The following PDZD2 variants were observed in gnomAD, a reference collection of about 807,000 sequenced individuals.
PDZD2 encodes PDZ domain containing 2.
Under a neutral mutation model 220.7 loss-of-function variants are expected in PDZD2, and 90 were observed. The observed-to-expected ratio is 0.41, with a 90% confidence interval of 0.34 to 0.49. The LOEUF (loss-of-function observed/expected upper bound fraction) is 0.49, where lower values mean the gene tolerates loss of function less well. PDZD2 is among the 20% of genes least tolerant of loss of function. The pLI, the probability that PDZD2 is intolerant of heterozygous loss-of-function variation, is 0.28. For synonymous variants in PDZD2, 1,375 were observed against 1,450.5 expected (o/e 0.95, Z 1.18); for missense variants, 3,174 against 3,608.5 (o/e 0.88, Z 3.08).
intron 2 of PDZD2, among the ~76,000 whole-genome samples, chr5:31,963,087 A>C (rs546966863): frequency 2.2e-4 from 33 of 152,316 alleles, no homozygotes; most frequent in African/African-American, 7.9e-4. Context: ...GTGGCTCAAA[A>C]GCCCATACCT....
At chr5:31,932,605 C>T (rs1241430575) in intron 2 of PDZD2, among the ~76,000 whole-genome samples, 1 of 152,092 alleles carries the variant, frequency 6.6e-6, no homozygotes, top group African/African-American at 2.4e-5. Flanking sequence ...ATTGACTTCA[C>T]ACACTTAATA....
At chr5:31,673,137 A>G (rs1479586909) in intron 1 of PDZD2, among the ~76,000 whole-genome samples, 2 of 152,210 alleles carry the variant, frequency 1.3e-5, no homozygotes, top group Non-Finnish European at 2.9e-5. Context: ...TCTAAAAGTC[A>G]GTGGCAGGGC....
At chr5:32,084,233 C>A (rs930281993) in intron 19 of PDZD2, among the ~76,000 whole-genome samples, 1 of 152,236 alleles carries the variant, frequency 6.6e-6, no homozygotes, top group African/African-American at 2.4e-5. Context: ...GACGATCCAA[C>A]CTTTTGATTG....
At position 32,028,684 on chromosome 5, in the gene PDZD2, GTTTTTTTT is replaced by G. The variant is rs1287949594; in HGVS notation, c.1408-8539_1408-8532del. On this transcript the variant is annotated intron_variant, in intron 6 of 24. Transcript: ENST00000438447. ...TCTATTTTTTTTTTTTGTTTTTTTT[GTTTTTTTT>G]TTTTTTTGAGACAGAGTCTCGCTCT... Among the ~76,000 whole-genome samples the G allele has an allele frequency of 5.1e-5, 5 of 97,518 alleles. No individual in the cohort carries two copies. The East Asian group carries it at 1.2e-3, about 23-fold the overall frequency. 64.0% of individuals were successfully genotyped at this position (97,518 alleles called of 152,430 possible).
At chr5:31,738,529 T>C (rs1276844933) in intron 1 of PDZD2, 1 of 152,222 alleles carries the variant, frequency 6.6e-6, no homozygotes, top group Non-Finnish European at 1.5e-5. Context: ...TGCCAAACTA[T>C]TGCTGCCATT....
intron 19 of PDZD2, among the ~76,000 whole-genome samples, chr5:32,081,472 GTGACACACT>G (rs1340373053): frequency 6.6e-6 from 1 of 152,210 alleles, no homozygotes; most frequent in Non-Finnish European, 1.5e-5. Context: ...TCGAGTTGCA[GTGACACACT>G]GGCACCCTCA....
At position 31,787,088 on chromosome 5, in the gene PDZD2, G is replaced by A. The variant is rs919271854; in HGVS notation, c.-360-11801G>A. On this transcript the variant is annotated intron_variant, in intron 1 of 24. Coordinates refer to ENST00000438447, the MANE Select transcript of PDZD2 (RefSeq NM_178140.4). The stretch of plus-strand genomic sequence containing the variant: ...TGGGTTGGTAGTATCATGGCTGCCC[G>A]ATCCATACCACATGGACAGGATGAT... Among the ~76,000 whole-genome samples, 14 of 152,178 alleles carry A rather than the reference G, an allele frequency of 9.2e-5. No homozygotes were observed. The East Asian group carries it at 1.2e-3, about 13-fold the overall frequency.
intron 6 of PDZD2, among the ~76,000 whole-genome samples, chr5:32,023,410 C>T (rs753218871): frequency 6.6e-6 from 1 of 152,174 alleles, no homozygotes; most frequent in Non-Finnish European, 1.5e-5. Context: ...AACAAACCAA[C>T]CTTTTCCATT....
chr5:31,995,777 TC>T (rs1751578787), intron 4 of PDZD2, 59 bp downstream of exon 4: 3 of 1,461,422 alleles, frequency 2.1e-6, no homozygotes, highest in Non-Finnish European at 2.8e-6. Flanking sequence ...TCCCTCTCCC[TC>T]CCCACTGGTG....
At chr5:32,044,364 G>C (rs1256401642) in intron 7 of PDZD2, among the ~76,000 whole-genome samples, 1 of 152,042 alleles carries the variant, frequency 6.6e-6, no homozygotes, top group Non-Finnish European at 1.5e-5. Flanking sequence ...AGAGCTTATA[G>C]TCCCAGTGGG....
intron 2 of PDZD2, among the ~76,000 whole-genome samples, chr5:31,904,601 C>A (rs1742459292): frequency 6.6e-6 from 1 of 152,090 alleles, no homozygotes; most frequent in African/African-American, 2.4e-5. Context: ...GATCTCGGCT[C>A]ACTGCAAGCT....
At position 31,849,970 on chromosome 5, in the gene PDZD2, A is replaced by G. The variant is rs1757883183; in HGVS notation, c.476+50246A>G. Among the ~76,000 whole-genome samples, 27 of 33,176 alleles carry G rather than the reference A, an allele frequency of 8.1e-4. 6 individuals carry two copies. The highest frequency in any genetic ancestry group is 5.9e-3 in the African/African-American group (25 of 4,228). The allele number at this position is 33,176 out of a possible 152,430, so 21.8% of individuals were successfully genotyped here. On this transcript the variant is annotated intron_variant, in intron 2 of 24. Coordinates refer to ENST00000438447, the MANE Select transcript of PDZD2 (RefSeq NM_178140.4). ...TATACATATATATATATACACATAT[A>G]TATATATACATATATATATATACAC...
chr5:32,024,508 C>G (rs142901703), intron 6 of PDZD2, among the ~76,000 whole-genome samples: 1 of 152,046 alleles, frequency 6.6e-6, no homozygotes, highest in East Asian at 1.9e-4. Flanking sequence ...CATGGCGAAA[C>G]CTCGTCTCTA....
intron 2 of PDZD2, among the ~76,000 whole-genome samples, chr5:31,979,700 A>T (rs2111846606): frequency 6.6e-6 from 1 of 152,282 alleles, no homozygotes; most frequent in South Asian, 2.1e-4. Flanking sequence ...ACTAGTGTTC[A>T]CAATTATTAG....
At chr5:31,829,284 G>T (rs945159348) in intron 2 of PDZD2, among the ~76,000 whole-genome samples, 1 of 151,584 alleles carries the variant, frequency 6.6e-6, no homozygotes, top group Admixed American at 6.6e-5. Context: ...ACTTATCTTT[G>T]AAATACGATA....
At chr5:31,971,780 T>C (rs75491470) in intron 2 of PDZD2, among the ~76,000 whole-genome samples, 2 of 141,450 alleles carry the variant, frequency 1.4e-5, no homozygotes, top group Admixed American at 1.4e-4. Flanking sequence ...TGGCTCCCCA[T>C]TTGCACAAAG....
chr5:31,737,780 G>A (rs1415427984), intron 1 of PDZD2, among the ~76,000 whole-genome samples: 6 of 152,188 alleles, frequency 3.9e-5, no homozygotes, highest in Non-Finnish European at 8.8e-5. Context: ...GGATAAATCT[G>A]CTTTAAAACT....
chr5:31,799,236 G>T lies in PDZD2; in HGVS notation c.-13G>T. The T allele has an allele frequency of 6.4e-7, 1 of 1,558,720 alleles. No individual in the cohort carries two copies. The highest frequency in any genetic ancestry group is 8.7e-7 in the Non-Finnish European group (1 of 1,143,232). ...AAGACCTCTGATGATGCTGGTGTCT[G>T]GGAGTGAGCACCATGCCCATCACCC... On this transcript the variant is annotated 5_prime_UTR_variant, in exon 2 of 25. Coordinates refer to ENST00000438447, the MANE Select transcript of PDZD2 (RefSeq NM_178140.4).
At chr5:32,074,847 G>A (rs952552568) in intron 18 of PDZD2, among the ~76,000 whole-genome samples, 2 of 150,040 alleles carry the variant, frequency 1.3e-5, no homozygotes, top group African/African-American at 2.5e-5. Flanking sequence ...GTTTCGCTCT[G>A]TCACCCAGGC....
Sources: gnomAD v4.1 joint callset for allele counts (sites outside exome capture counted in the v4.1 genomes callset) on GRCh38, gnomAD v4.1.1 for gene constraint, MANE v1.5 for transcripts, NCBI Gene and HGNC (gene_info 2026-07-23, HGNC 2026-07-21) for gene names.